Variants in SCN9A observed in about 807,000 individuals in gnomAD.
SCN9A encodes sodium voltage-gated channel alpha subunit 9, also known as sodium channel protein type 9 subunit alpha.
In SCN9A, 131 loss-of-function variants were observed where a neutral mutation model predicts 187.0. The observed-to-expected ratio is 0.70, with a 90% CI of 0.61 to 0.81. The LOEUF is 0.81. Among genes scored for constraint, SCN9A ranks in the 30% least tolerant of loss-of-function variants. SCN9A has a pLI of 0.00. For missense variants in SCN9A, 2,252 were observed against 2,396.6 expected (o/e 0.94, Z 1.26); for synonymous variants, 809 against 808.6 (o/e 1.00, Z -0.01).
chr2:166,312,122 A>G (rs4131160), intron 1 of SCN9A, among the ~76,000 whole-genome samples: 96,761 of 151,938 alleles, frequency 0.64, 31,462 homozygotes, highest in African/African-American at 0.75. Context: ...GTGCAATTCA[A>G]CTCAACTTTC....
chr2:166,339,258 T>C (rs548645786), intron 1 of SCN9A, among the ~76,000 whole-genome samples: 9 of 152,092 alleles, frequency 5.9e-5, no homozygotes, highest in Non-Finnish European at 1.2e-4. Context: ...AAATCAAATT[T>C]AAAATGACAG....
chr2:166,214,948 A>G (rs945105303), intron 24 of SCN9A, among the ~76,000 whole-genome samples: 14 of 152,298 alleles, frequency 9.2e-5, no homozygotes, highest in Admixed American at 1.3e-4. Context: ...TTAATCCAAT[A>G]GATCTAACAG....
intron 16 of SCN9A, among the ~76,000 whole-genome samples, chr2:166,274,591 A>G (rs574913421): frequency 6.6e-6 from 1 of 152,134 alleles, no homozygotes; most frequent in Non-Finnish European, 1.5e-5. Flanking sequence ...TTAAATTTTA[A>G]TTCTATGATA....
At chr2:166,298,162 A>C (rs1489650364) in intron 7 of SCN9A, among the ~76,000 whole-genome samples, 1 of 152,216 alleles carries the variant, frequency 6.6e-6, no homozygotes, top group African/African-American at 2.4e-5. Flanking sequence ...TGGCAAATGT[A>C]GTTCTCACAA....
intron 9 of SCN9A, among the ~76,000 whole-genome samples, chr2:166,290,262 G>A (rs1697983729): frequency 6.6e-6 from 1 of 151,990 alleles, no homozygotes; most frequent in African/African-American, 2.4e-5. Flanking sequence ...TTTTTTAATG[G>A]CTGCATAGTA....
Position 166,242,550 on chromosome 2 carries a change from C to A in SCN9A, c.3579G>T (p.Trp1193Cys), listed in dbSNP as rs1433542348. The change falls in exon 19 of 27, where the codon TGG (tryptophan) becomes TGT (cysteine). Residue 1193 changes from tryptophan (W) to cysteine (C), a missense_variant. Physicochemically the swap from Trp to Cys is radical, Grantham distance 215. Transcript: ENST00000642356. The stretch of plus-strand genomic sequence containing the variant: ...TCATGAGGACAATGAAGCTTTCAAA[C>A]CAACTGTGTTCAACAATCTTGTAGC... Reference protein sequence around the residue: ...KTCYKIVEHSWFESFIVLMIL... With the variant: ...KTCYKIVEHSCFESFIVLMIL... 1.9e-6 allele frequency: 3 copies of A among 1,593,494 alleles called. No homozygotes were observed. Among genetic ancestry groups the A allele is most frequent in the East Asian group, 4.5e-5 (2 of 44,078 alleles).
chr2:166,265,452 C>T (rs572192947), intron 17 of SCN9A, among the ~76,000 whole-genome samples: 4 of 151,884 alleles, frequency 2.6e-5, no homozygotes, highest in South Asian at 2.1e-4. Flanking sequence ...TATTTATTTA[C>T]GATCATTTAG....
intron 1 of SCN9A, among the ~76,000 whole-genome samples, chr2:166,361,007 G>A (rs886495294): frequency 3.9e-5 from 6 of 152,094 alleles, no homozygotes; most frequent in Non-Finnish European, 7.4e-5. Context: ...AGTGAGAGAG[G>A]CATGGGTTCA....
Position 166,284,499 on chromosome 2 carries a change from T to C in SCN9A, c.1928A>G (p.Gln643Arg), listed in dbSNP as rs1697639155. 7.4e-6 allele frequency: 12 copies of C among 1,614,072 alleles called. No homozygotes were observed. Among genetic ancestry groups the C allele is most frequent in the Non-Finnish European group, 1.0e-5 (12 of 1,179,956 alleles). Residue 643 changes from glutamine (Q) to arginine (R), a missense_variant, in exon 12 of 27, where the codon CAG (glutamine) becomes CGG (arginine). By Grantham distance (43) the Gln-to-Arg change is conservative (BLOSUM62 1). This residue lies in a region of SCN9A where 1,013 missense variants were observed against 997.4 expected (regional missense o/e 1.02). Coordinates refer to ENST00000642356, the MANE Select transcript of SCN9A (RefSeq NM_001365536.1). The part of the protein sequence containing the change: ...GRSALMLPNG[Q>R]LLPEVIIDKA... ...ATCTATTATCACCTCTGGCAGAAGC[T>C]GTCCATTGGGGAGCATGAGGGCTGA...
intron 24 of SCN9A, among the ~76,000 whole-genome samples, chr2:166,220,567 C>G (rs1694539030): frequency 1.3e-5 from 2 of 152,098 alleles, no homozygotes; most frequent in Admixed American, 1.3e-4. Context: ...TTTCCATCCT[C>G]CAGTACTGTG....
chr2:166,251,746 G>A lies in SCN9A; in HGVS notation c.3472+19C>T, dbSNP rs41268669. 6.2e-7 allele frequency: 1 copy of A among 1,611,926 alleles called. No homozygotes were observed. On this transcript the variant is annotated intron_variant, in intron 18 of 26. Coordinates refer to ENST00000642356, the MANE Select transcript of SCN9A (RefSeq NM_001365536.1). ...CACTAATTAAGGAATGCTAACCAAG[G>A]TCTCAATTTTTGTCTTACCATCTGT...
In SCN9A at chr2:166,198,228, A is replaced by G. The variant is rs200043357; in HGVS notation, c.*444T>C. The G allele has an allele frequency of 1.9e-5, 3 of 159,774 alleles. No homozygotes were observed. Among genetic ancestry groups the G allele is most frequent in the Non-Finnish European group, 2.8e-5 (2 of 72,368 alleles). The allele number at this position is 159,774 out of a possible 1,614,324, so 9.9% of individuals were successfully genotyped here. On this transcript the variant is annotated 3_prime_UTR_variant, in exon 27 of 27. Coordinates refer to ENST00000642356, the MANE Select transcript of SCN9A (RefSeq NM_001365536.1). ...TTCATAACTAATGTCCATTACTTCTATCAAGCATTTCATTGCAAAGCCAAG... is the reference window on the plus strand; with the variant it reads ...TTCATAACTAATGTCCATTACTTCTGTCAAGCATTTCATTGCAAAGCCAAG...
intron 24 of SCN9A, among the ~76,000 whole-genome samples, chr2:166,210,489 A>T (rs1333530255): frequency 6.8e-6 from 1 of 148,126 alleles, no homozygotes; most frequent in South Asian, 2.2e-4. Context: ...AATAAAAAAT[A>T]AAATTAAAAA....
intron 1 of SCN9A, among the ~76,000 whole-genome samples, chr2:166,329,786 A>G (rs569138600): frequency 6.6e-6 from 1 of 152,256 alleles, no homozygotes; most frequent in Admixed American, 6.5e-5. Flanking sequence ...AGGAAGAAAG[A>G]TTTTGGTCAG....
At chr2:166,261,094 C>G (rs1409653568) in intron 17 of SCN9A, among the ~76,000 whole-genome samples, 1 of 151,598 alleles carries the variant, frequency 6.6e-6, no homozygotes, top group African/African-American at 2.4e-5. Context: ...CCAAATTATG[C>G]CTAGTAACTG....
At chr2:166,338,012 A>T (rs1699671290) in intron 1 of SCN9A, among the ~76,000 whole-genome samples, 1 of 152,106 alleles carries the variant, frequency 6.6e-6, no homozygotes, top group Non-Finnish European at 1.5e-5. Context: ...AGGTCTATGG[A>T]CTACTTGGCA....
At chr2:166,367,530 T>G (rs1298884817) in intron 1 of SCN9A, among the ~76,000 whole-genome samples, 1 of 152,218 alleles carries the variant, frequency 6.6e-6, no homozygotes, top group Non-Finnish European at 1.5e-5. Context: ...CCTTCCAAAG[T>G]GCTGGATTAC....
intron 15 of SCN9A, chr2:166,277,577 G>T: frequency 2.3e-6 from 1 of 427,242 alleles, no homozygotes; most frequent in Non-Finnish European, 4.1e-6. Context: ...TTTTAGTTCA[G>T]GATTGCTATA....
chr2:166,302,430 C>T (rs1698594691), intron 7 of SCN9A: 1 of 152,074 alleles, frequency 6.6e-6, no homozygotes, highest in South Asian at 2.1e-4. Context: ...AGAAATAATT[C>T]TACTGAACTA....
Sources: gnomAD v4.1 joint callset for allele counts (sites outside exome capture counted in the v4.1 genomes callset) on GRCh38, gnomAD v4.1.1 for gene constraint, gnomAD v4.1.1 regional missense constraint, MANE v1.5 for transcripts, NCBI Gene and HGNC (gene_info 2026-07-23, HGNC 2026-07-21) for gene names.